The following ELMO1 variants were observed in gnomAD, a reference collection of about 807,000 sequenced individuals.
ELMO1 encodes the protein engulfment and cell motility 1.
ELMO1 carries 26 observed loss-of-function variants against 98.9 expected under a neutral mutation model. The ratio of observed to expected loss-of-function variants is 0.26; its 90% CI spans 0.19 to 0.36. The LOEUF (loss-of-function observed/expected upper bound fraction) is 0.36, where lower values mean the gene tolerates loss of function less well. ELMO1 is among the 10% of genes least tolerant of loss of function. ELMO1 has a pLI of 1.00. For synonymous variants in ELMO1, 346 were observed against 346.0 expected (o/e 1.00, Z 0.00); for missense variants, 627 against 935.2 (o/e 0.67, Z 4.30).
chr7:37,360,741 G>A (rs955081144), intron 1 of ELMO1, among the ~76,000 whole-genome samples: 1 of 152,170 alleles, frequency 6.6e-6, no homozygotes, highest in African/African-American at 2.4e-5. Flanking sequence ...GAGAAATTGC[G>A]CTCTGCCCCC....
At chr7:36,893,032 T>C (rs1044851037) in intron 17 of ELMO1, among the ~76,000 whole-genome samples, 2 of 152,184 alleles carry the variant, frequency 1.3e-5, no homozygotes, top group African/African-American at 4.8e-5. Context: ...AGGAGTAAAA[T>C]GTTCGTACTT....
At chr7:37,447,714 C>CCACACACACACACACACACACA (rs3054415) in intron 1 of ELMO1, among the ~76,000 whole-genome samples, 6 of 132,140 alleles carry the variant, frequency 4.5e-5, no homozygotes, top group Non-Finnish European at 7.9e-5. Flanking sequence ...CGCGCACACA[C>CCACACACACACACACACACACA]CACACACACA....
At chr7:36,956,860 G>A (rs1562855166) in intron 16 of ELMO1, among the ~76,000 whole-genome samples, 1 of 152,200 alleles carries the variant, frequency 6.6e-6, no homozygotes, top group Non-Finnish European at 1.5e-5. Flanking sequence ...AAGAAATCAT[G>A]AGCCAAGGAA....
intron 1 of ELMO1, chr7:37,394,011 C>T (rs918673678): frequency 1.3e-5 from 2 of 152,186 alleles, no homozygotes; most frequent in African/African-American, 4.8e-5. Flanking sequence ...TTTTCCATAG[C>T]TAAGTAGAGG....
intron 18 of ELMO1, among the ~76,000 whole-genome samples, chr7:36,880,163 T>G (rs1048885702): frequency 1.3e-5 from 2 of 152,206 alleles, no homozygotes; most frequent in Non-Finnish European, 2.9e-5. Flanking sequence ...TTTGGCTGTG[T>G]GAGCGACTAA....
chr7:37,082,712 C>A (rs1177313557), intron 15 of ELMO1, among the ~76,000 whole-genome samples: 3 of 149,824 alleles, frequency 2.0e-5, no homozygotes, highest in East Asian at 3.9e-4. Context: ...GCCCGGGTGA[C>A]CCTGTCTCAA....
chr7:36,885,302 C>T (rs1053220533), intron 18 of ELMO1, among the ~76,000 whole-genome samples: 6 of 144,666 alleles, frequency 4.1e-5, no homozygotes, highest in South Asian at 4.7e-4. Flanking sequence ...TTTATAGATA[C>T]GGGACTAACA....
intron 16 of ELMO1, among the ~76,000 whole-genome samples, chr7:36,935,326 CCT>C (rs1265089768): frequency 6.6e-6 from 1 of 152,182 alleles, no homozygotes; most frequent in Non-Finnish European, 1.5e-5. Flanking sequence ...GTCCATTAAA[CCT>C]CTTTCTTTTG....
Position 37,448,680 on chromosome 7 carries a change from TG to T in ELMO1, c.-80del. ...GCCCAGGAAACTTTACGAACCTGCTTGGGGTCGCAGGACAGCAGCGGCAAGG... is the reference window on the plus strand; with the variant it reads ...GCCCAGGAAACTTTACGAACCTGCTTGGGTCGCAGGACAGCAGCGGCAAGG... On this transcript the variant is annotated 5_prime_UTR_variant, in exon 1 of 22. It removes the in-frame stop codon of an upstream open reading frame in the 5' UTR. Coordinates refer to ENST00000310758, the MANE Select transcript of ELMO1 (RefSeq NM_014800.11). 1 of 152,292 alleles carries T rather than the reference TG, an allele frequency of 6.6e-6. No homozygotes were observed. The highest frequency in any genetic ancestry group is 1.5e-5 in the Non-Finnish European group (1 of 68,082). 9.4% of individuals were successfully genotyped at this position (152,292 alleles called of 1,614,324 possible).
chr7:37,276,274 G>C (rs772010230), intron 4 of ELMO1, among the ~76,000 whole-genome samples: 5 of 152,156 alleles, frequency 3.3e-5, no homozygotes, highest in Admixed American at 6.5e-5. Context: ...TAGGAAGAGA[G>C]AGAAAGAGAG....
At chr7:36,888,746 T>G (rs1286605984) in intron 17 of ELMO1, among the ~76,000 whole-genome samples, 3 of 152,234 alleles carry the variant, frequency 2.0e-5, no homozygotes, top group Admixed American at 2.0e-4. Context: ...AGGCCCATAT[T>G]ACCCTGTAGT....
intron 16 of ELMO1, among the ~76,000 whole-genome samples, chr7:37,009,566 G>A (rs1403610382): frequency 6.6e-6 from 1 of 152,092 alleles, no homozygotes; most frequent in Non-Finnish European, 1.5e-5. Flanking sequence ...AGCTATTCCT[G>A]CCTCTGATAG....
chr7:37,133,101 C>T (rs377339046), intron 14 of ELMO1, 29 bp downstream of exon 14: 30 of 1,560,392 alleles, frequency 1.9e-5, no homozygotes, highest in Non-Finnish European at 2.4e-5. Context: ...AGGAAACACA[C>T]AATATCTGAA....
At chr7:37,077,604 G>A (rs553671030) in intron 15 of ELMO1, among the ~76,000 whole-genome samples, 1 of 152,304 alleles carries the variant, frequency 6.6e-6, no homozygotes, top group South Asian at 2.1e-4. Flanking sequence ...AGTGATGGGA[G>A]TACATATGCA....
At chr7:37,211,239 G>A in intron 13 of ELMO1, 147 bp downstream of exon 13, 1 of 1,174,062 alleles carries the variant, frequency 8.5e-7, no homozygotes, top group Middle Eastern at 2.8e-4. Context: ...ATGTGATCCT[G>A]TTTAAACCAG....
At chr7:36,961,365 GAGA>G (rs1788932275) in intron 16 of ELMO1, among the ~76,000 whole-genome samples, 1 of 152,084 alleles carries the variant, frequency 6.6e-6, no homozygotes, top group Non-Finnish European at 1.5e-5. Flanking sequence ...GAGGAAAAAA[GAGA>G]AAGAAAAGCA....
intron 16 of ELMO1, among the ~76,000 whole-genome samples, chr7:36,921,932 T>A (rs1785181715): frequency 6.6e-6 from 1 of 152,186 alleles, no homozygotes; most frequent in Non-Finnish European, 1.5e-5. Context: ...TGTGGCATTG[T>A]CAGATCTCTT....
chr7:36,973,859 A>G (rs1790222922), intron 16 of ELMO1, among the ~76,000 whole-genome samples: 1 of 152,286 alleles, frequency 6.6e-6, no homozygotes, highest in African/African-American at 2.4e-5. Flanking sequence ...GCCGTTGCCG[A>G]GCAATGAGGG....
At chr7:37,047,791 T>C (rs776105314) in intron 15 of ELMO1, among the ~76,000 whole-genome samples, 12 of 152,198 alleles carry the variant, frequency 7.9e-5, no homozygotes, top group Admixed American at 3.9e-4. Flanking sequence ...TGCATTCAGT[T>C]GAGCCTATCA....
Sources: gnomAD v4.1 joint callset for allele counts (sites outside exome capture counted in the v4.1 genomes callset) on GRCh38, gnomAD v4.1.1 for gene constraint, MANE v1.5 for transcripts, NCBI Gene and HGNC (gene_info 2026-07-23, HGNC 2026-07-21) for gene names.